BCAS1: variants seen among roughly 807,000 people sequenced by gnomAD.
BCAS1 encodes the protein breast carcinoma-amplified sequence 1.
A neutral mutation model predicts 65.4 loss-of-function variants in BCAS1; 46 were observed. That is an observed-to-expected ratio of 0.70 (90% CI 0.55 to 0.90). The LOEUF is 0.90. Among genes scored for constraint, BCAS1 ranks in the 40% least tolerant of loss-of-function variants. The probability of loss-of-function intolerance (pLI) is 0.00; values close to 1 mark genes in which losing one functional copy is unlikely to be tolerated. For missense variants in BCAS1, 793 were observed against 771.2 expected (o/e 1.03, Z -0.33); for synonymous variants, 298 against 293.5 (o/e 1.02, Z -0.16).
intron 12 of BCAS1, among the ~76,000 whole-genome samples, chr20:53,951,966 T>C (rs1007538920): frequency 6.6e-6 from 1 of 151,856 alleles, no homozygotes; most frequent in African/African-American, 2.4e-5. Context: ...GGAAGAAAAA[T>C]GAAAGAAGGA....
At chr20:53,957,575 G>T in intron 10 of BCAS1, 78 bp from the exon 11 acceptor site, 1 of 1,332,522 alleles carries the variant, frequency 7.5e-7, no homozygotes. Context: ...TGAAATGGAT[G>T]ATCTCAGTCA....
chr20:54,056,392 G>C (rs1456155878), intron 3 of BCAS1, among the ~76,000 whole-genome samples: 1 of 152,138 alleles, frequency 6.6e-6, no homozygotes. Flanking sequence ...CTTGAAAGTG[G>C]GAGCTAAGCC....
At chr20:54,061,166 G>A (rs465096) in intron 1 of BCAS1, among the ~76,000 whole-genome samples, 95,745 of 151,956 alleles carry the variant, frequency 0.63, 30,950 homozygotes, top group African/African-American at 0.76. Context: ...GCCGAAACTC[G>A]AGGGGGTTAA....
At chr20:53,951,785 A>G (rs994126344) in intron 12 of BCAS1, among the ~76,000 whole-genome samples, 12 of 152,240 alleles carry the variant, frequency 7.9e-5, no homozygotes, top group Non-Finnish European at 1.0e-4. Context: ...TTACATCAAC[A>G]TCTGCCTTCC....
At position 54,028,790 on chromosome 20, in the gene BCAS1, C is replaced by G; in HGVS notation, c.325G>C (p.Asp109His). 6.2e-7 allele frequency: 1 copy of G among 1,614,170 alleles called. No individual in the cohort carries two copies. The highest frequency in any genetic ancestry group is 8.5e-7 in the Non-Finnish European group (1 of 1,180,018). The change falls in exon 4 of 13, where the codon GAC (aspartate) becomes CAC (histidine). Residue 109 changes from aspartate (D) to histidine (H), a missense_variant. Physicochemically the swap from Asp to His is moderately conservative, Grantham distance 81 (BLOSUM62 -1). Transcript: ENST00000688948. ...LSRPVPGRTG[D>H]QAADSSLGSV... ...CCAAGGGATGAATCTGCGGCTTGGTCTCCGGTACGTCCTGGTACAGGCCGA... is the reference window on the plus strand; with the variant it reads ...CCAAGGGATGAATCTGCGGCTTGGTGTCCGGTACGTCCTGGTACAGGCCGA...
intron 4 of BCAS1, among the ~76,000 whole-genome samples, chr20:54,017,899 C>G (rs2091473235): frequency 6.6e-6 from 1 of 152,004 alleles, no homozygotes; most frequent in South Asian, 2.1e-4. Context: ...GGAAAACAAA[C>G]AAACAAAAAC....
chr20:54,033,444 C>T (rs143909433), intron 3 of BCAS1, among the ~76,000 whole-genome samples: 3,533 of 150,310 alleles, frequency 0.024, 155 homozygotes, highest in African/African-American at 0.081. Context: ...CAAATAAACA[C>T]AATCAGAAAC....
chr20:54,060,712 CTG>C (rs1834430870), intron 1 of BCAS1, among the ~76,000 whole-genome samples: 2 of 152,154 alleles, frequency 1.3e-5, no homozygotes, highest in Admixed American at 1.3e-4. Context: ...TCTGAAATGA[CTG>C]TTAATGTGGT....
At position 54,058,138 on chromosome 20, in the gene BCAS1, A is replaced by G; in HGVS notation, c.89T>C (p.Leu30Pro). ...CGACACCACCACTGGAACCCCGTTC[A>G]GAGCAGACGCGTTGTCCTGAAACAG... ...AETYQDNASA[L>P]NGVPVVVSTH... Residue 30 changes from leucine to proline, a missense_variant, in exon 3 of 13, where the codon CTG becomes CCG. Physicochemically the swap from Leu to Pro is moderately conservative, Grantham distance 98 (BLOSUM62 -3). Coordinates refer to ENST00000688948, the MANE Select transcript of BCAS1 (RefSeq NM_001366298.2). 4 of 1,614,066 alleles carry G rather than the reference A, an allele frequency of 2.5e-6. No homozygotes were observed. Among genetic ancestry groups the G allele is most frequent in the Non-Finnish European group, 3.4e-6 (4 of 1,179,996 alleles).
chr20:54,004,766 A>G (rs1732196650), intron 4 of BCAS1, among the ~76,000 whole-genome samples: 1 of 152,198 alleles, frequency 6.6e-6, no homozygotes, highest in South Asian at 2.1e-4. Context: ...TGTCTCCCCA[A>G]ATCCTAACCC....
rs541829031 is a variant in BCAS1 at position 54,009,060 on chromosome 20, G to A, written c.724-13010C>T. On this transcript the variant is annotated intron_variant, in intron 4 of 12. Coordinates refer to ENST00000688948, the MANE Select transcript of BCAS1 (RefSeq NM_001366298.2). ...ATTCCTAAACTCAAGTGATCTGCCC[G>A]CCTTGGCCTCCCAAAGTTCTGGGAT... Among the ~76,000 whole-genome samples the A allele has an allele frequency of 1.5e-4, 23 of 152,230 alleles. 1 individual carries two copies. In the South Asian group the frequency reaches 4.4e-3, roughly 29 times the overall value.
intron 8 of BCAS1, among the ~76,000 whole-genome samples, chr20:53,980,994 A>G (rs2145742601): frequency 6.6e-6 from 1 of 152,346 alleles, no homozygotes; most frequent in African/African-American, 2.4e-5. Flanking sequence ...TCCTGTTTGG[A>G]CATTTATATT....
At chr20:53,991,086 A>G (rs2090747144) in intron 7 of BCAS1, among the ~76,000 whole-genome samples, 1 of 152,236 alleles carries the variant, frequency 6.6e-6, no homozygotes, top group African/African-American at 2.4e-5. Context: ...AGTGAATGTC[A>G]TAATGAAAGG....
At chr20:54,001,545 CT>C (rs1238128555) in intron 4 of BCAS1, among the ~76,000 whole-genome samples, 1 of 152,106 alleles carries the variant, frequency 6.6e-6, no homozygotes, top group Non-Finnish European at 1.5e-5. Flanking sequence ...TTTTCAGACC[CT>C]GCATTCTGGT....
chr20:54,052,649 G>C (rs1321223507), intron 3 of BCAS1, among the ~76,000 whole-genome samples: 1 of 152,128 alleles, frequency 6.6e-6, no homozygotes, highest in African/African-American at 2.4e-5. Context: ...CTGCCCTTCT[G>C]TCGTGTCTGC....
Position 53,972,454 on chromosome 20 carries a change from AC to A in BCAS1, c.1317+2934del, listed in dbSNP as rs1470822815. On this transcript the variant is annotated intron_variant, in intron 9 of 12. Coordinates refer to ENST00000688948, the MANE Select transcript of BCAS1 (RefSeq NM_001366298.2). ...TAACAATTACTGCAGAAGGTGGCAA[AC>A]TTTTCCTGCAAAGTCCCTGCCAATC... Among the ~76,000 whole-genome samples the A allele has an allele frequency of 7.9e-5, 12 of 152,266 alleles. No homozygotes were observed. The East Asian group carries it at 1.5e-3, about 20-fold the overall frequency.
chr20:54,001,006 T>C (rs74687537), intron 4 of BCAS1, among the ~76,000 whole-genome samples: 2,740 of 152,332 alleles, frequency 0.018, 30 homozygotes, highest in Non-Finnish European at 0.024. Context: ...TTTGCTTCCC[T>C]GGTAATTTTT....
intron 3 of BCAS1, among the ~76,000 whole-genome samples, chr20:54,037,272 A>C (rs1197415988): frequency 1.3e-5 from 2 of 151,432 alleles, no homozygotes; most frequent in Non-Finnish European, 3.0e-5. Flanking sequence ...AGGCAGCAGA[A>C]AGAAGTGCCA....
At chr20:54,035,400 C>CA (rs1288429763) in intron 3 of BCAS1, among the ~76,000 whole-genome samples, 2,160 of 61,610 alleles carry the variant, frequency 0.035, 94 homozygotes, top group African/African-American at 0.086. Context: ...GACTCCGTCT[C>CA]AAAAAAAAAA....
Sources: allele counts gnomAD v4.1 joint callset (sites outside exome capture counted in the v4.1 genomes callset), GRCh38; gene constraint gnomAD v4.1.1; transcripts MANE v1.5; gene names NCBI Gene and HGNC (gene_info 2026-07-23, HGNC 2026-07-21).